FMN2: variants seen among roughly 807,000 people sequenced by gnomAD.
FMN2 encodes the protein formin 2.
FMN2 carries 51 observed loss-of-function variants against 142.3 expected under a neutral mutation model. The observed-to-expected ratio is 0.36, with a 90% CI of 0.29 to 0.45. The LOEUF (loss-of-function observed/expected upper bound fraction) is 0.45. FMN2 is among the 20% of genes least tolerant of loss of function. The probability of loss-of-function intolerance (pLI) is 1.00; values close to 1 mark genes in which losing one functional copy is unlikely to be tolerated. For missense variants in FMN2, 1,936 were observed against 2,122.8 expected (o/e 0.91, Z 1.73); for synonymous variants, 882 against 869.8 (o/e 1.01, Z -0.25).
intron 2 of FMN2, chr1:240,143,813 C>T (rs1663301115): frequency 1.3e-6 from 2 of 1,529,972 alleles, no homozygotes; most frequent in Non-Finnish European, 1.8e-6. Context: ...TATCATTCCA[C>T]AGGCTAGAGC....
intron 1 of FMN2, among the ~76,000 whole-genome samples, chr1:240,106,438 G>A (rs1315595163): frequency 6.6e-6 from 1 of 152,126 alleles, no homozygotes; most frequent in Non-Finnish European, 1.5e-5. Flanking sequence ...TACGGGAATA[G>A]TTTCAAACTG....
intron 7 of FMN2, among the ~76,000 whole-genome samples, chr1:240,273,580 G>A (rs1274922670): frequency 1.3e-5 from 2 of 152,106 alleles, no homozygotes; most frequent in African/African-American, 4.8e-5. Context: ...TGGTTGCTGT[G>A]TGCAGTGCTT....
Position 240,459,717 on chromosome 1 carries a change from T to TTAAAAAAA in FMN2, c.5061-12655_5061-12654insTAAAAAAA, listed in dbSNP as rs1471697427. 4.9e-4 allele frequency among the ~76,000 whole-genome samples: 33 copies of TTAAAAAAA among 67,128 alleles called. 4 individuals are homozygous for TTAAAAAAA. Among genetic ancestry groups the TTAAAAAAA allele is most frequent in the African/African-American group, 1.7e-3 (33 of 19,468 alleles). The allele number at this position is 67,128 out of a possible 152,430, so 44.0% of individuals were successfully genotyped here. A position where few individuals can be genotyped will look rare whatever the true frequency, so the allele number is the denominator to read the frequency against. On this transcript the variant is annotated intron_variant, in intron 16 of 17. Coordinates refer to ENST00000319653, the MANE Select transcript of FMN2 (RefSeq NM_020066.5). ...GGGTGACAGAACAAGACTCTGTCTC[T>TTAAAAAAA]AAAAAAAAAAAAAAAAAAAAAAAAA...
chr1:240,374,706 AC>A (rs999627898), intron 14 of FMN2, among the ~76,000 whole-genome samples: 4 of 152,180 alleles, frequency 2.6e-5, no homozygotes, highest in African/African-American at 9.7e-5. Flanking sequence ...TAATCGGACC[AC>A]TAAAAATTTT....
intron 14 of FMN2, among the ~76,000 whole-genome samples, chr1:240,375,569 A>G (rs1036179663): frequency 1.3e-5 from 2 of 152,192 alleles, no homozygotes; most frequent in South Asian, 2.1e-4. Flanking sequence ...CTAACCATCA[A>G]ATGAAATATT....
chr1:240,142,609 C>T (rs1663235817), intron 2 of FMN2: 1 of 1,499,434 alleles, frequency 6.7e-7, no homozygotes, highest in South Asian at 1.2e-5. Flanking sequence ...CCACCCTTGG[C>T]AGCAGGATGC....
rs778543990 is a variant in FMN2 at position 240,158,242 on chromosome 1, C to T, written c.1783-19679C>T. Among the ~76,000 whole-genome samples the T allele has an allele frequency of 2.6e-5, 4 of 151,998 alleles. No individual in the cohort carries two copies. The East Asian group carries it at 7.7e-4, about 29-fold the overall frequency. ...CAAAACCAAACCAAAAAGAAAACCA[C>T]TGGTTTTCAAGGCCTCAGAGCATAA... On this transcript the variant is annotated intron_variant, in intron 2 of 17. Coordinates refer to ENST00000319653, the MANE Select transcript of FMN2 (RefSeq NM_020066.5).
chr1:240,218,682 T>A (rs1402433084), intron 6 of FMN2, among the ~76,000 whole-genome samples: 1 of 152,124 alleles, frequency 6.6e-6, no homozygotes, highest in Non-Finnish European at 1.5e-5. Flanking sequence ...CTGGAAAAAC[T>A]AAACAGTGAA....
chr1:240,155,110 CAA>C (rs1663967449), intron 2 of FMN2, among the ~76,000 whole-genome samples: 1 of 151,888 alleles, frequency 6.6e-6, no homozygotes, highest in Non-Finnish European at 1.5e-5. Flanking sequence ...AGGCTAGTCT[CAA>C]ACTCCTGAGC....
rs1402558129 is a variant in FMN2 at position 240,334,147 on chromosome 1, A to C, written c.4683A>C (p.Glu1561Asp). The change falls in exon 13 of 18, where the codon GAA becomes GAC. Residue 1561 changes from glutamate (E) to aspartate (D), a missense_variant. By Grantham distance (45) the Glu-to-Asp change is conservative (BLOSUM62 2). Coordinates refer to ENST00000319653, the MANE Select transcript of FMN2 (RefSeq NM_020066.5). The stretch of plus-strand genomic sequence containing the variant: ...AACAGTGCCTCTTTCCACTGCCAGA[A>C]CCCCAGGACCTTTTTCAGGCCTCAC... ...GKEQCLFPLPEPQDLFQASQM... is the reference protein window; with the variant it reads ...GKEQCLFPLPDPQDLFQASQM... 1 of 1,606,700 alleles carries C rather than the reference A, an allele frequency of 6.2e-7. No individual in the cohort carries two copies. The highest frequency in any genetic ancestry group is 2.2e-5 in the East Asian group (1 of 44,732).
At chr1:240,328,167 A>AAAAAAAAAAAAAAG (rs1558435720) in intron 8 of FMN2, among the ~76,000 whole-genome samples, 5 of 141,148 alleles carry the variant, frequency 3.5e-5, no homozygotes, top group African/African-American at 5.4e-5. Flanking sequence ...AAAAAAAAAA[A>AAAAAAAAAAAAAAG]AAAAAGAAAA....
rs1278914883 is a variant in FMN2, at chr1:240,475,009, CT to C, written c.*857del. ...GGTTTTTTTTCTATTGTTTTGTAGTCTTCCTGTCCCCTTCAGTCCCTCCAGT... is the reference window on the plus strand; with the variant it reads ...GGTTTTTTTTCTATTGTTTTGTAGTCTCCTGTCCCCTTCAGTCCCTCCAGT... On this transcript the variant is annotated 3_prime_UTR_variant, in exon 18 of 18. Transcript: ENST00000319653. 1 of 152,368 alleles carries C rather than the reference CT, an allele frequency of 6.6e-6. No individual in the cohort carries two copies. The highest frequency in any genetic ancestry group is 1.5e-5 in the Non-Finnish European group (1 of 67,970). 9.4% of individuals were successfully genotyped at this position (152,368 alleles called of 1,614,324 possible).
chr1:240,365,289 G>GTA (rs1169608532), intron 14 of FMN2, among the ~76,000 whole-genome samples: 1 of 125,072 alleles, frequency 8.0e-6, no homozygotes, highest in East Asian at 2.5e-4. Flanking sequence ...ATATGTGTGT[G>GTA]TATATATATA....
intron 15 of FMN2, among the ~76,000 whole-genome samples, chr1:240,429,846 G>T (rs73128232): frequency 0.053 from 7,987 of 151,428 alleles, 700 homozygotes; most frequent in African/African-American, 0.18. Flanking sequence ...GTTATTATTA[G>T]CAGGGCTGCT....
At chr1:240,209,473 TC>T (rs1170133758) in intron 5 of FMN2, among the ~76,000 whole-genome samples, 9 of 150,522 alleles carry the variant, frequency 6.0e-5, no homozygotes, top group African/African-American at 1.7e-4. Context: ...CAGGATGGTT[TC>T]CCATCTCCTG....
At chr1:240,122,024 C>T (rs1452115505) in intron 1 of FMN2, among the ~76,000 whole-genome samples, 2 of 151,682 alleles carry the variant, frequency 1.3e-5, no homozygotes, top group African/African-American at 2.4e-5. Flanking sequence ...CGAGAACCAT[C>T]TGCAATTAAA....
At chr1:240,172,931 G>GT (rs1664767109) in intron 2 of FMN2, among the ~76,000 whole-genome samples, 2 of 145,302 alleles carry the variant, frequency 1.4e-5, no homozygotes, top group African/African-American at 5.2e-5. Flanking sequence ...CCTTTTTTTT[G>GT]TTTTTTGTTT....
chr1:240,191,355 C>G (rs1400538755), intron 4 of FMN2, among the ~76,000 whole-genome samples: 1 of 152,220 alleles, frequency 6.6e-6, no homozygotes, highest in Non-Finnish European at 1.5e-5. Context: ...GCCAGAGAGT[C>G]TGATGCTTAA....
At chr1:240,217,849 G>T (rs1572078912) in intron 6 of FMN2, among the ~76,000 whole-genome samples, 1 of 151,930 alleles carries the variant, frequency 6.6e-6, no homozygotes, top group Non-Finnish European at 1.5e-5. Flanking sequence ...TAAAGGAAAT[G>T]TAATGAAGCT....
Sources: gnomAD v4.1 joint callset for allele counts (sites outside exome capture counted in the v4.1 genomes callset) on GRCh38, gnomAD v4.1.1 for gene constraint, MANE v1.5 for transcripts, NCBI Gene and HGNC (gene_info 2026-07-23, HGNC 2026-07-21) for gene names.